Variants in NDUFB5 observed in about 807,000 individuals in gnomAD.
NDUFB5 encodes NADH dehydrogenase [ubiquinone] 1 beta subcomplex subunit 5, mitochondrial.
Under a neutral mutation model 19.4 loss-of-function variants are expected in NDUFB5, and 19 were observed. That is an observed-to-expected ratio of 0.98 (90% confidence interval 0.68 to 1.43). The LOEUF (loss-of-function observed/expected upper bound fraction) is 1.43, where lower values mean the gene tolerates loss of function less well. Ranked by LOEUF, NDUFB5 falls within the 40% of genes most tolerant of loss-of-function variation. The probability of loss-of-function intolerance (pLI) is 0.00; values close to 1 mark genes in which losing one functional copy is unlikely to be tolerated. For missense variants in NDUFB5, 233 were observed against 236.5 expected, an observed-to-expected ratio of 0.99 and a Z score of 0.10; for synonymous variants, 80 against 82.6, an observed-to-expected ratio of 0.97 and a Z score of 0.17.
At chr3:179,610,391 C>A (rs980045636) in intron 1 of NDUFB5, among the ~76,000 whole-genome samples, 3 of 152,158 alleles carry the variant, frequency 2.0e-5, no homozygotes, top group African/African-American at 7.2e-5. Context: ...CCATGCCCAG[C>A]CTATTTTTAA....
intron 1 of NDUFB5, among the ~76,000 whole-genome samples, chr3:179,611,062 T>C (rs1379928275): frequency 3.9e-5 from 6 of 152,094 alleles, no homozygotes; most frequent in Admixed American, 6.6e-5. Context: ...TAAAGGAAAG[T>C]TGGGACCAAA....
rs559711689 is a variant in NDUFB5, at chr3:179,624,037, T to A, written c.567T>A (p.Asn189Lys). 3.1e-6 allele frequency: 5 copies of A among 1,612,700 alleles called. No individual in the cohort carries two copies. Among genetic ancestry groups the A allele is most frequent in the Admixed American group, 1.7e-5 (1 of 59,910 alleles). ...IDHSPKATPD[N>K] Reference sequence around the variant, plus strand: ...ATTCTCCGAAAGCAACTCCTGACAATTAAGCATTTTTTTCTCCAAATACAA... The same window carrying A: ...ATTCTCCGAAAGCAACTCCTGACAAATAAGCATTTTTTTCTCCAAATACAA... The change falls in exon 6 of 6, where the codon AAT becomes AAA. Residue 189 changes from asparagine (N) to lysine (K), a missense_variant. Asn to Lys is a moderately conservative substitution (Grantham distance 94). Transcript: ENST00000259037.
chr3:179,613,008 C>A (rs1399195129), intron 1 of NDUFB5, among the ~76,000 whole-genome samples: 1 of 152,158 alleles, frequency 6.6e-6, no homozygotes, highest in African/African-American at 2.4e-5. Flanking sequence ...AACTAAATTT[C>A]TGGGAGTTCC....
rs1266441205 is a variant in NDUFB5 at position 179,617,017 on chromosome 3, T to C, written c.315T>C (p.Tyr105=). Residue 105 remains tyrosine (Y), a synonymous_variant, in exon 4 of 6, where the codon TAT becomes TAC. Coordinates refer to ENST00000259037, the MANE Select transcript of NDUFB5 (RefSeq NM_002492.4). ...QAELAEIPEG[Y]VPEHWEYYKH... ...AACTAGCAGAAATTCCAGAAGGCTA[T>C]GTCCCAGAACACTGGGAATATTATA... The C allele has an allele frequency of 6.2e-7, 1 of 1,612,942 alleles. No individual in the cohort carries two copies.
At chr3:179,616,843 AT>A (rs1456573683) in intron 3 of NDUFB5, 139 bp from the exon 4 acceptor site, 1 of 637,866 alleles carries the variant, frequency 1.6e-6, no homozygotes, top group Non-Finnish European at 2.7e-6. Context: ...TGAATTAAAA[AT>A]ACTACATATC....
In NDUFB5 at chr3:179,618,530, A is replaced by C; in HGVS notation, c.449+9A>C. 6.3e-7 allele frequency: 1 copy of C among 1,581,774 alleles called. No individual in the cohort carries two copies. Among genetic ancestry groups the C allele is most frequent in the Non-Finnish European group, 8.7e-7 (1 of 1,154,292 alleles). On this transcript the variant is annotated intron_variant, in intron 5 of 5. Coordinates refer to ENST00000259037, the MANE Select transcript of NDUFB5 (RefSeq NM_002492.4). ...GAAAAGGCTGAATTACGGTAGGAAAAACGAGGGGGTAGGTGGGAAAGAAAA... is the reference window on the plus strand; with the variant it reads ...GAAAAGGCTGAATTACGGTAGGAAACACGAGGGGGTAGGTGGGAAAGAAAA...
chr3:179,604,801 C>T lies in NDUFB5; in HGVS notation c.-15C>T. On this transcript the variant is annotated 5_prime_UTR_variant, in exon 1 of 6. Transcript: ENST00000259037. ...CCGTGACCCGCCTCCCTTCTTCCTC[C>T]TGCCCGTAGTAGCCATGGCGGCCAT... 6.2e-7 allele frequency: 1 copy of T among 1,609,742 alleles called. No individual in the cohort carries two copies. The highest frequency in any genetic ancestry group is 8.5e-7 in the Non-Finnish European group (1 of 1,178,708).
chr3:179,617,134 G>A lies in NDUFB5; in HGVS notation c.342+90G>A, dbSNP rs775789428. ...TAATTCAGCAATTATGATATAGTCA[G>A]GTTTTTTGTTTTGTTTTTTTTGAGA... On this transcript the variant is annotated intron_variant, in intron 4 of 5. Transcript: ENST00000259037. 190 of 1,066,594 alleles carry A rather than the reference G, an allele frequency of 1.8e-4. 1 individual carries two copies. Among genetic ancestry groups the A allele is most frequent in the Middle Eastern group, 1.7e-3 (8 of 4,816 alleles). The allele number at this position is 1,066,594 out of a possible 1,614,324, so 66.1% of individuals were successfully genotyped here.
chr3:179,613,341 C>A (rs1719295949), intron 1 of NDUFB5, among the ~76,000 whole-genome samples: 1 of 152,026 alleles, frequency 6.6e-6, no homozygotes, highest in African/African-American at 2.4e-5. Flanking sequence ...TCTTCCCAAC[C>A]CCCCCATCTT....
chr3:179,612,730 C>G (rs1015483083), intron 1 of NDUFB5, among the ~76,000 whole-genome samples: 16 of 152,106 alleles, frequency 1.1e-4, no homozygotes, highest in African/African-American at 3.9e-4. Context: ...CCCGCCTCGG[C>G]CTCCCAAAGT....
intron 1 of NDUFB5, chr3:179,607,893 T>C (rs1370500661): frequency 1.5e-6 from 1 of 673,940 alleles, no homozygotes; most frequent in African/African-American, 1.8e-5. Flanking sequence ...TATGTCAGAA[T>C]TTCCTTCCTT....
At chr3:179,607,085 A>C (rs1719123483) in intron 1 of NDUFB5, among the ~76,000 whole-genome samples, 1 of 152,128 alleles carries the variant, frequency 6.6e-6, no homozygotes, top group South Asian at 2.1e-4. Flanking sequence ...TTTCACCCCC[A>C]GTTTCTCTTT....
chr3:179,605,044 G>A lies in NDUFB5; in HGVS notation c.124+105G>A, dbSNP rs1045348741. On this transcript the variant is annotated intron_variant, in intron 1 of 5. Coordinates refer to ENST00000259037, the MANE Select transcript of NDUFB5 (RefSeq NM_002492.4). ...TGGGATCCGGAGGGAGCCGGGACAAGTTGTGGGCTTGGGGCTTGACAGGAG... is the reference window on the plus strand; with the variant it reads ...TGGGATCCGGAGGGAGCCGGGACAAATTGTGGGCTTGGGGCTTGACAGGAG... The A allele has an allele frequency of 1.0e-5, 14 of 1,402,232 alleles. No individual in the cohort carries two copies. The African/African-American group carries it at 1.8e-4, about 18-fold the overall frequency. The allele number at this position is 1,402,232 out of a possible 1,614,324, so 86.9% of individuals were successfully genotyped here. A position where few individuals can be genotyped will look rare whatever the true frequency, so the allele number is the denominator to read the frequency against.
intron 5 of NDUFB5, among the ~76,000 whole-genome samples, chr3:179,620,586 T>C (rs1305017299): frequency 2.0e-5 from 3 of 152,204 alleles, no homozygotes; most frequent in Non-Finnish European, 4.4e-5. Flanking sequence ...ACCATGCTGT[T>C]TTGGTTACTG....
chr3:179,626,541 AT>A lies in NDUFB5; in HGVS notation c.*2508del. 1 of 151,458 alleles carries A rather than the reference AT, an allele frequency of 6.6e-6. No individual in the cohort carries two copies. The highest frequency in any genetic ancestry group is 1.5e-5 in the Non-Finnish European group (1 of 67,990). 9.4% of individuals were successfully genotyped at this position (151,458 alleles called of 1,614,324 possible). A position where few individuals can be genotyped will look rare whatever the true frequency, so the allele number is the denominator to read the frequency against. Reference sequence around the variant, plus strand: ...CGTGCCTGGCCTTTTTGTCCATTTTATTTTTTTGAGATGGAGTCTTGCTGTG... The same window carrying A: ...CGTGCCTGGCCTTTTTGTCCATTTTATTTTTTGAGATGGAGTCTTGCTGTG... On this transcript the variant is annotated 3_prime_UTR_variant, in exon 6 of 6. Coordinates refer to ENST00000259037, the MANE Select transcript of NDUFB5 (RefSeq NM_002492.4).
Position 179,624,572 on chromosome 3 carries a change from T to TACACACACGTACAC in NDUFB5, c.*540_*541insGTACACACACACAC, listed in dbSNP as rs1553782472. 13 of 128,398 alleles carry TACACACACGTACAC rather than the reference T, an allele frequency of 1.0e-4. No homozygotes were observed. Among genetic ancestry groups the TACACACACGTACAC allele is most frequent in the African/African-American group, 4.1e-4 (13 of 31,592 alleles). The allele number at this position is 128,398 out of a possible 1,614,324, so 8.0% of individuals were successfully genotyped here. ...AACTACACACAGACACACAGACACG[T>TACACACACGTACAC]ACACACACACACACACACACACACA... is the stretch of plus-strand genomic sequence containing the variant. On this transcript the variant is annotated 3_prime_UTR_variant, in exon 6 of 6. Transcript: ENST00000259037.
intron 1 of NDUFB5, among the ~76,000 whole-genome samples, chr3:179,613,818 A>C (rs1719309133): frequency 6.6e-6 from 1 of 152,234 alleles, no homozygotes; most frequent in African/African-American, 2.4e-5. Flanking sequence ...AAGTGGCAGC[A>C]GTAAACACAA....
intron 1 of NDUFB5, among the ~76,000 whole-genome samples, chr3:179,609,409 G>T (rs1044419422): frequency 6.6e-6 from 1 of 152,170 alleles, no homozygotes; most frequent in Admixed American, 6.5e-5. Flanking sequence ...TATCTGCAGA[G>T]TCAGGGACTG....
rs767966233 is a variant in NDUFB5 at position 179,617,058 on chromosome 3, A to G, written c.342+14A>G. 4 of 1,575,302 alleles carry G rather than the reference A, an allele frequency of 2.5e-6. No individual in the cohort carries two copies. Among genetic ancestry groups the G allele is most frequent in the South Asian group, 2.2e-5 (2 of 89,132 alleles). ...GAATATTATAAGGTTTGTATAGGACATTGACAATTACATACTGTTACATGC... is the reference window on the plus strand; with the variant it reads ...GAATATTATAAGGTTTGTATAGGACGTTGACAATTACATACTGTTACATGC... On this transcript the variant is annotated intron_variant, in intron 4 of 5. Transcript: ENST00000259037.
Sources: allele counts gnomAD v4.1 joint callset (sites outside exome capture counted in the v4.1 genomes callset), GRCh38; gene constraint gnomAD v4.1.1; transcripts MANE v1.5; gene names NCBI Gene and HGNC (gene_info 2026-07-23, HGNC 2026-07-21).